TXLNB: variants seen among roughly 807,000 people sequenced by gnomAD.
TXLNB encodes taxilin beta, also known as beta-taxilin.
In TXLNB, 37 loss-of-function variants were observed where a neutral mutation model predicts 57.4. That is an observed-to-expected ratio of 0.64 (90% CI 0.50 to 0.85). The LOEUF (loss-of-function observed/expected upper bound fraction) is 0.85. Among genes scored for constraint, TXLNB ranks in the 40% least tolerant of loss-of-function variants. The pLI, the probability that TXLNB is intolerant of heterozygous loss-of-function variation, is 0.00. For synonymous variants in TXLNB, 302 were observed against 309.6 expected (o/e 0.98, Z 0.26); for missense variants, 848 against 825.6 (o/e 1.03, Z -0.33).
chr6:139,174,603 A>C, the TXLNB span: 1 of 1,568,554 alleles, frequency 6.4e-7, no homozygotes, highest in African/African-American at 1.4e-5. Context: ...AAGTGAATGT[A>C]GGGAAGATGC....
chr6:139,215,965 C>T, the TXLNB span, among the ~76,000 whole-genome samples: 2 of 151,662 alleles, frequency 1.3e-5, 1 homozygote, highest in Non-Finnish European at 2.9e-5. Context: ...ATTAAAAAAT[C>T]AGGAAACAAC....
chr6:139,166,721 C>T, the TXLNB span: 3 of 1,611,370 alleles, frequency 1.9e-6, no homozygotes, highest in African/African-American at 4.0e-5. Context: ...AGGCCCAAGC[C>T]ACGACCTCCC....
the TXLNB span, among the ~76,000 whole-genome samples, chr6:139,305,187 C>G: frequency 2.0e-5 from 3 of 152,108 alleles, no homozygotes; most frequent in African/African-American, 4.8e-5. Context: ...CCCATTGAAA[C>G]TTTGACAACT....
chr6:139,270,740 A>G (rs553034058), intron 3 of TXLNB, 114 bp from the exon 4 acceptor site: 1 of 883,492 alleles, frequency 1.1e-6, no homozygotes, highest in Admixed American at 2.7e-5. Flanking sequence ...ATTTTTTGCT[A>G]TTATCTCTTC....
At chr6:139,285,254 C>T (rs1777143450) in intron 2 of TXLNB, among the ~76,000 whole-genome samples, 1 of 93,412 alleles carries the variant, frequency 1.1e-5, no homozygotes, top group African/African-American at 3.6e-5. Context: ...TATCTTTCCC[C>T]TCAACACACA....
the TXLNB span, among the ~76,000 whole-genome samples, chr6:139,314,297 GT>G: frequency 6.6e-6 from 1 of 152,180 alleles, no homozygotes; most frequent in Non-Finnish European, 1.5e-5. Context: ...TGACCTGGAA[GT>G]TTCATCTATG....
intron 3 of TXLNB, among the ~76,000 whole-genome samples, chr6:139,272,823 C>T (rs1461037365): frequency 6.6e-6 from 1 of 152,140 alleles, no homozygotes; most frequent in Non-Finnish European, 1.5e-5. Flanking sequence ...CACCTGAAGT[C>T]AGGAGATGGA....
In TXLNB at chr6:139,245,883, AGT is replaced by A. The variant is rs149568087; in HGVS notation, c.1171-1195_1171-1194del. 1.5e-3 allele frequency among the ~76,000 whole-genome samples: 230 copies of A among 152,200 alleles called. 3 individuals carry two copies. In the East Asian group the frequency reaches 0.027, roughly 18 times the overall value. ...AATTTTTTTGTATTTCAGTAGAAAC[AGT>A]GTTTCACCATGTTGGCCAGGCGGTC... On this transcript the variant is annotated intron_variant, in intron 8 of 9. Coordinates refer to ENST00000358430, the MANE Select transcript of TXLNB (RefSeq NM_153235.4).
chr6:139,259,046 C>T (rs901472873), intron 6 of TXLNB, among the ~76,000 whole-genome samples: 6 of 152,150 alleles, frequency 3.9e-5, no homozygotes, highest in African/African-American at 1.4e-4. Flanking sequence ...TCACCAGCTT[C>T]AGGTCTGTAG....
At chr6:139,193,840 A>ATATTTTTT in the TXLNB span, among the ~76,000 whole-genome samples, 1 of 85,236 alleles carries the variant, frequency 1.2e-5, no homozygotes, top group East Asian at 3.7e-4. Context: ...ATATATATAT[A>ATATTTTTT]TTTTTTTTTT....
chr6:139,285,347 C>T (rs935004408), intron 2 of TXLNB, among the ~76,000 whole-genome samples: 2 of 140,820 alleles, frequency 1.4e-5, no homozygotes, highest in Admixed American at 1.4e-4. Context: ...TGAAAAATAA[C>T]TTTTCTGGTT....
chr6:139,310,878 A>G, the TXLNB span, among the ~76,000 whole-genome samples: 12 of 152,214 alleles, frequency 7.9e-5, no homozygotes, highest in East Asian at 2.3e-3. Context: ...TATTTTTAGT[A>G]GAGACAGGGT....
At chr6:139,204,027 T>C in the TXLNB span, among the ~76,000 whole-genome samples, 6 of 151,978 alleles carry the variant, frequency 3.9e-5, no homozygotes, top group East Asian at 1.2e-3. Flanking sequence ...GACAGCTTGC[T>C]GAAATGAAGT....
the TXLNB span, among the ~76,000 whole-genome samples, chr6:139,298,201 T>C: frequency 3.9e-5 from 6 of 152,190 alleles, no homozygotes; most frequent in African/African-American, 1.4e-4. Flanking sequence ...ATAAAATAAA[T>C]AGTTTGAAAT....
chr6:139,219,375 A>C, the TXLNB span, among the ~76,000 whole-genome samples: 1 of 152,194 alleles, frequency 6.6e-6, no homozygotes, highest in Admixed American at 6.5e-5. Flanking sequence ...CCAGCGGTTC[A>C]GTAGGTGGCA....
the TXLNB span, among the ~76,000 whole-genome samples, chr6:139,320,652 T>G: frequency 6.6e-6 from 1 of 152,136 alleles, no homozygotes; most frequent in Non-Finnish European, 1.5e-5. Context: ...TTTTTTTTTT[T>G]TACCAACCTA....
intron 7 of TXLNB, among the ~76,000 whole-genome samples, chr6:139,252,149 C>T (rs1443355394): frequency 6.6e-6 from 1 of 152,224 alleles, no homozygotes; most frequent in African/African-American, 2.4e-5. Flanking sequence ...AGCCTGCCCC[C>T]AATTGGCCAG....
chr6:139,314,839 G>A, the TXLNB span, among the ~76,000 whole-genome samples: 1 of 152,148 alleles, frequency 6.6e-6, no homozygotes, highest in African/African-American at 2.4e-5. Context: ...GGCGTAGGGC[G>A]AACTAACTTT....
At chr6:139,222,235 G>A in the TXLNB span, among the ~76,000 whole-genome samples, 20 of 151,854 alleles carry the variant, frequency 1.3e-4, 1 homozygote, top group African/African-American at 4.6e-4. Context: ...AAATAATTTG[G>A]GAAAATTGAA....
Sources: allele counts gnomAD v4.1 joint callset (sites outside exome capture counted in the v4.1 genomes callset), GRCh38; gene constraint gnomAD v4.1.1; transcripts MANE v1.5; gene names NCBI Gene and HGNC (gene_info 2026-07-23, HGNC 2026-07-21).